IMMP2L: variants seen among roughly 807,000 people sequenced by gnomAD.
IMMP2L encodes the protein inner mitochondrial membrane peptidase subunit 2, also known as mitochondrial inner membrane protease subunit 2.
In IMMP2L, 18 loss-of-function variants were observed where a neutral mutation model predicts 19.3. That is an observed-to-expected ratio of 0.93 (90% CI 0.64 to 1.38). The LOEUF is 1.38. IMMP2L is among the 40% of genes most tolerant of loss of function. The pLI, the probability that IMMP2L is intolerant of heterozygous loss-of-function variation, is 0.00. For missense variants in IMMP2L, 233 were observed against 218.2 expected (o/e 1.07, Z -0.43); for synonymous variants, 76 against 73.0 (o/e 1.04, Z -0.21).
chr7:110,919,217 T>TAAGTA (rs1610907), intron 4 of IMMP2L, among the ~76,000 whole-genome samples: 84,758 of 151,358 alleles, frequency 0.56, 25,893 homozygotes, highest in East Asian at 0.84. Context: ...TTCACTACTT[T>TAAGTA]AAGTGTTCAA....
chr7:111,475,576 CTG>C (rs1841644965), intron 3 of IMMP2L, among the ~76,000 whole-genome samples: 1 of 152,086 alleles, frequency 6.6e-6, no homozygotes, highest in Non-Finnish European at 1.5e-5. Context: ...CCAGCGGACA[CTG>C]TGTTTACCAG....
At chr7:110,965,804 T>A (rs1181160199) in intron 3 of IMMP2L, among the ~76,000 whole-genome samples, 3 of 152,004 alleles carry the variant, frequency 2.0e-5, no homozygotes, top group African/African-American at 7.2e-5. Flanking sequence ...CTACTAATAA[T>A]AAAAATAAAT....
chr7:111,315,242 T>C (rs1262627708), intron 3 of IMMP2L, among the ~76,000 whole-genome samples: 1 of 152,082 alleles, frequency 6.6e-6, no homozygotes, highest in Non-Finnish European at 1.5e-5. Flanking sequence ...TATGAAAAAT[T>C]TGGGCAGTCC....
intron 5 of IMMP2L, among the ~76,000 whole-genome samples, chr7:110,835,523 A>T (rs1399627755): frequency 5.9e-5 from 6 of 101,532 alleles, no homozygotes. Context: ...TAAACCAGAG[A>T]AAACAACCAG....
At chr7:110,721,959 G>A (rs868540474) in intron 5 of IMMP2L, among the ~76,000 whole-genome samples, 10 of 152,062 alleles carry the variant, frequency 6.6e-5, no homozygotes, top group Non-Finnish European at 5.9e-5. Context: ...TGTAATAAAG[G>A]TGAAAATCTA....
chr7:111,157,395 T>C (rs566933266), intron 3 of IMMP2L, among the ~76,000 whole-genome samples: 1 of 152,212 alleles, frequency 6.6e-6, no homozygotes, highest in African/African-American at 2.4e-5. Flanking sequence ...TCTTCAGCCA[T>C]AAAAAATAAT....
At chr7:110,696,923 A>C (rs1793930940) in intron 5 of IMMP2L, among the ~76,000 whole-genome samples, 1 of 152,166 alleles carries the variant, frequency 6.6e-6, no homozygotes, top group African/African-American at 2.4e-5. Context: ...AGGAAGATCC[A>C]GGTGGAGGGC....
At chr7:111,537,580 G>A (rs1411424858) in intron 1 of IMMP2L, among the ~76,000 whole-genome samples, 1 of 137,458 alleles carries the variant, frequency 7.3e-6, no homozygotes, top group East Asian at 2.1e-4. Context: ...CTGTCACCCA[G>A]GCTGGAGTGC....
intron 3 of IMMP2L, among the ~76,000 whole-genome samples, chr7:111,112,974 T>C (rs1050417945): frequency 6.6e-6 from 1 of 152,196 alleles, no homozygotes; most frequent in East Asian, 1.9e-4. Flanking sequence ...ATCTTCTCAA[T>C]TCTTAGTAAA....
At chr7:111,032,183 C>T (rs918479839) in intron 3 of IMMP2L, among the ~76,000 whole-genome samples, 8 of 152,020 alleles carry the variant, frequency 5.3e-5, no homozygotes, top group African/African-American at 1.2e-4. Context: ...TTAAGGTATC[C>T]GCCTATCTTG....
intron 3 of IMMP2L, among the ~76,000 whole-genome samples, chr7:111,042,810 T>C (rs149201529): frequency 6.6e-6 from 1 of 152,290 alleles, no homozygotes; most frequent in East Asian, 1.9e-4. Flanking sequence ...AATACCCTTT[T>C]CTTGACCCAC....
chr7:110,778,486 T>C (rs1480372378), intron 5 of IMMP2L, among the ~76,000 whole-genome samples: 1 of 151,982 alleles, frequency 6.6e-6, no homozygotes, highest in African/African-American at 2.4e-5. Flanking sequence ...TTTATTCTCA[T>C]TGCTGTAGCA....
intron 4 of IMMP2L, among the ~76,000 whole-genome samples, chr7:110,902,490 A>ATATATATATATATATATATATATATC (rs1811984075): frequency 6.7e-6 from 1 of 148,756 alleles, no homozygotes; most frequent in African/African-American, 2.5e-5. Flanking sequence ...ATATATATAT[A>ATATATATATATATATATATATATATC]TATATATATA....
chr7:110,873,113 G>T (rs914425135), intron 5 of IMMP2L, among the ~76,000 whole-genome samples: 1 of 152,048 alleles, frequency 6.6e-6, no homozygotes, highest in Non-Finnish European at 1.5e-5. Context: ...TGGTGATGTT[G>T]AATTGAGGAG....
intron 3 of IMMP2L, among the ~76,000 whole-genome samples, chr7:111,315,772 G>T (rs531242903): frequency 6.6e-6 from 1 of 150,712 alleles, no homozygotes; most frequent in Non-Finnish European, 1.5e-5. Context: ...TAATAAAAAG[G>T]TGAGTATTAC....
At chr7:111,271,627 G>T (rs901085331) in intron 3 of IMMP2L, among the ~76,000 whole-genome samples, 2 of 152,074 alleles carry the variant, frequency 1.3e-5, no homozygotes, top group Non-Finnish European at 2.9e-5. Flanking sequence ...AAGTGATGCT[G>T]ATGTTGCTGG....
chr7:111,044,951 G>C (rs139135338), intron 3 of IMMP2L, among the ~76,000 whole-genome samples: 2 of 152,008 alleles, frequency 1.3e-5, no homozygotes, highest in African/African-American at 4.8e-5. Flanking sequence ...ACAGAGCTGT[G>C]AAAATATAAT....
chr7:111,353,182 C>T (rs1367689912), intron 3 of IMMP2L, among the ~76,000 whole-genome samples: 5 of 152,164 alleles, frequency 3.3e-5, no homozygotes, highest in Admixed American at 6.6e-5. Context: ...CCTTAGATAA[C>T]GCTTGCCATC....
At chr7:111,425,923 T>A (rs1836027220) in intron 3 of IMMP2L, among the ~76,000 whole-genome samples, 1 of 151,192 alleles carries the variant, frequency 6.6e-6, no homozygotes, top group East Asian at 1.9e-4. Flanking sequence ...ATTCCACAAA[T>A]ACATGTCAAA....
Sources: allele counts gnomAD v4.1 joint callset (sites outside exome capture counted in the v4.1 genomes callset), GRCh38; gene constraint gnomAD v4.1.1; transcripts MANE v1.5; gene names NCBI Gene and HGNC (gene_info 2026-07-23, HGNC 2026-07-21).